GRM5: variants seen among roughly 807,000 people sequenced by gnomAD.
GRM5 encodes the protein glutamate metabotropic receptor 5.
In GRM5, 19 loss-of-function variants were observed where a neutral mutation model predicts 83.1. That is an observed-to-expected ratio of 0.23 (90% CI 0.16 to 0.34). The LOEUF is 0.34. Among genes scored for constraint, GRM5 ranks in the 10% least tolerant of loss-of-function variants. GRM5 has a pLI of 1.00. For missense variants in GRM5, 1,160 were observed against 1,588.3 expected (o/e 0.73, Z 4.58); for synonymous variants, 675 against 633.6 (o/e 1.07, Z -0.98).
chr11:89,054,722 A>G (rs921186515), intron 1 of GRM5, among the ~76,000 whole-genome samples: 4 of 152,142 alleles, frequency 2.6e-5, no homozygotes, highest in Non-Finnish European at 2.9e-5. Flanking sequence ...AAGTGAGGAG[A>G]GAGAAGCAGT....
rs561840483 is a variant in GRM5 at position 88,721,087 on chromosome 11, G to A, written c.912-67684C>T. Among the ~76,000 whole-genome samples, 4 of 151,888 alleles carry A rather than the reference G, an allele frequency of 2.6e-5. No homozygotes were observed. The East Asian group carries it at 5.8e-4, about 22-fold the overall frequency. ...CCTTCCTGAAATTTATTCTCCTTAGGTGCAAAAATATGGTAATCACACAAC... is the reference window on the plus strand; with the variant it reads ...CCTTCCTGAAATTTATTCTCCTTAGATGCAAAAATATGGTAATCACACAAC... On this transcript the variant is annotated intron_variant, in intron 3 of 9. Transcript: ENST00000305447.
rs566679131 is a variant in GRM5, at chr11:88,849,830, A to G, written c.911+76T>C. On this transcript the variant is annotated intron_variant, in intron 3 of 9. Transcript: ENST00000305447. Reference sequence around the variant, plus strand: ...TTAAGCTTTGAAAGAATTTTTTATCATACACTAAAAGCTACCCTTCAGTGC... The same window carrying G: ...TTAAGCTTTGAAAGAATTTTTTATCGTACACTAAAAGCTACCCTTCAGTGC... 1.8e-4 allele frequency: 247 copies of G among 1,357,216 alleles called. 3 individuals are homozygous for G. In the South Asian group the frequency reaches 3.0e-3, roughly 16 times the overall value. The allele number at this position is 1,357,216 out of a possible 1,614,324, so 84.1% of individuals were successfully genotyped here. A position where few individuals can be genotyped will look rare whatever the true frequency, so the allele number is the denominator to read the frequency against.
At chr11:88,807,640 A>G (rs1251244659) in intron 3 of GRM5, among the ~76,000 whole-genome samples, 1 of 152,090 alleles carries the variant, frequency 6.6e-6, no homozygotes, top group East Asian at 1.9e-4. Flanking sequence ...ACTACAAGTT[A>G]TCATTGGTAA....
chr11:88,633,870 A>T (rs534476441), intron 4 of GRM5, among the ~76,000 whole-genome samples: 2 of 152,300 alleles, frequency 1.3e-5, no homozygotes, highest in East Asian at 3.9e-4. Flanking sequence ...TCACTTAATG[A>T]CAAGGATATG....
At chr11:88,756,894 T>G (rs1942405574) in intron 3 of GRM5, among the ~76,000 whole-genome samples, 1 of 152,040 alleles carries the variant, frequency 6.6e-6, no homozygotes, top group African/African-American at 2.4e-5. Context: ...GCTGAAAACT[T>G]CACACATTTG....
chr11:88,747,914 G>A (rs1452695591), intron 3 of GRM5, among the ~76,000 whole-genome samples: 1 of 152,114 alleles, frequency 6.6e-6, no homozygotes, highest in African/African-American at 2.4e-5. Context: ...ATAAAAGGGT[G>A]AGTGAATTCA....
At chr11:88,765,283 C>A (rs2135443008) in intron 3 of GRM5, among the ~76,000 whole-genome samples, 1 of 150,924 alleles carries the variant, frequency 6.6e-6, no homozygotes, top group South Asian at 2.1e-4. Context: ...GGTCTGATAG[C>A]TTCATGAGTG....
intron 2 of GRM5, among the ~76,000 whole-genome samples, chr11:89,040,439 G>T (rs185087636): frequency 6.6e-6 from 1 of 152,168 alleles, no homozygotes. Flanking sequence ...GTCGGTTGTC[G>T]TAGCTCACAC....
chr11:88,982,222 AG>A (rs1939548258), intron 2 of GRM5, among the ~76,000 whole-genome samples: 1 of 152,238 alleles, frequency 6.6e-6, no homozygotes, highest in Non-Finnish European at 1.5e-5. Context: ...GAAAATAGAA[AG>A]AATTAAAAAC....
chr11:88,613,153 C>T (rs565066165), intron 4 of GRM5, among the ~76,000 whole-genome samples: 23 of 152,142 alleles, frequency 1.5e-4, no homozygotes, highest in South Asian at 8.3e-4. Flanking sequence ...CATGTGCAGA[C>T]GAGAAGAATG....
chr11:88,837,671 A>C (rs1944116072), intron 3 of GRM5, among the ~76,000 whole-genome samples: 1 of 152,212 alleles, frequency 6.6e-6, no homozygotes, highest in South Asian at 2.1e-4. Flanking sequence ...ATACTTCTTC[A>C]TCCAATAACA....
chr11:88,804,885 G>A (rs1448687883), intron 3 of GRM5, among the ~76,000 whole-genome samples: 2 of 152,018 alleles, frequency 1.3e-5, no homozygotes, highest in Admixed American at 6.6e-5. Flanking sequence ...TACCTTATTA[G>A]GTGATAGTTA....
intron 8 of GRM5, among the ~76,000 whole-genome samples, chr11:88,562,123 A>G (rs921949683): frequency 6.6e-6 from 1 of 152,116 alleles, no homozygotes; most frequent in Non-Finnish European, 1.5e-5. Flanking sequence ...TTGGAAAAAA[A>G]TGGTCTTGTA....
intron 3 of GRM5, among the ~76,000 whole-genome samples, chr11:88,772,423 C>A (rs1942757698): frequency 6.7e-6 from 1 of 149,798 alleles, no homozygotes; most frequent in Admixed American, 6.7e-5. Context: ...TTTTTTTTTA[C>A]TATCTGGCCC....
At chr11:88,998,669 T>G (rs1436694608) in intron 2 of GRM5, among the ~76,000 whole-genome samples, 1 of 152,146 alleles carries the variant, frequency 6.6e-6, no homozygotes, top group Non-Finnish European at 1.5e-5. Context: ...GGCATGGCAG[T>G]CTAAATAGAT....
At chr11:88,880,627 A>C (rs1944935876) in intron 2 of GRM5, among the ~76,000 whole-genome samples, 1 of 152,188 alleles carries the variant, frequency 6.6e-6, no homozygotes, top group Non-Finnish European at 1.5e-5. Context: ...AGGTCTCCTG[A>C]CCCTGGTCCA....
At chr11:88,687,858 T>C (rs1458376704) in intron 3 of GRM5, among the ~76,000 whole-genome samples, 1 of 151,662 alleles carries the variant, frequency 6.6e-6, no homozygotes, top group Admixed American at 6.6e-5. Context: ...ACATTTTAAT[T>C]AAGATTATGA....
chr11:88,676,603 T>G (rs944032582), intron 3 of GRM5, among the ~76,000 whole-genome samples: 3 of 152,050 alleles, frequency 2.0e-5, no homozygotes, highest in African/African-American at 7.2e-5. Flanking sequence ...TGAAGAATAA[T>G]TACTTACTGC....
At chr11:88,699,630 C>T (rs1004359307) in intron 3 of GRM5, among the ~76,000 whole-genome samples, 3 of 152,260 alleles carry the variant, frequency 2.0e-5, no homozygotes. Flanking sequence ...AAAAGCTGCC[C>T]TCTTACTTCA....
Sources: allele counts gnomAD v4.1 joint callset (sites outside exome capture counted in the v4.1 genomes callset), GRCh38; gene constraint gnomAD v4.1.1; transcripts MANE v1.5; gene names NCBI Gene and HGNC (gene_info 2026-07-23, HGNC 2026-07-21).